Variants in PXDNL observed in about 807,000 individuals in gnomAD.
PXDNL encodes probable oxidoreductase PXDNL.
Under a neutral mutation model 150.8 loss-of-function variants are expected in PXDNL, and 145 were observed. The observed-to-expected ratio is 0.96, with a 90% CI of 0.84 to 1.10. PXDNL has a LOEUF of 1.10. Ranked by LOEUF, PXDNL falls within the 50% of genes least tolerant of loss-of-function variation. The probability of loss-of-function intolerance (pLI) is 0.00; values close to 1 mark genes in which losing one functional copy is unlikely to be tolerated. For synonymous variants in PXDNL, 757 were observed against 725.7 expected (o/e 1.04, Z -0.69); for missense variants, 2,087 against 1,873.9 (o/e 1.11, Z -2.10).
At chr8:51,711,902 A>C (rs1280308600) in intron 1 of PXDNL, among the ~76,000 whole-genome samples, 2 of 152,224 alleles carry the variant, frequency 1.3e-5, no homozygotes, top group Admixed American at 6.5e-5. Context: ...GGTTTGTTCT[A>C]GGTCCTGCTG....
intron 1 of PXDNL, among the ~76,000 whole-genome samples, chr8:51,696,553 T>C (rs1185188123): frequency 6.6e-6 from 1 of 150,388 alleles, no homozygotes; most frequent in Non-Finnish European, 1.5e-5. Context: ...GAGCAGGATG[T>C]AGGAACCTGC....
At chr8:51,401,902 G>A (rs1319192109) in intron 17 of PXDNL, among the ~76,000 whole-genome samples, 1 of 152,186 alleles carries the variant, frequency 6.6e-6, no homozygotes, top group African/African-American at 2.4e-5. Flanking sequence ...TGACGGGGTG[G>A]TGTCGATGCA....
chr8:51,319,870 C>A lies in PXDNL; in HGVS notation c.*21G>T. 6.8e-7 allele frequency: 1 copy of A among 1,474,164 alleles called. No individual in the cohort carries two copies. Among genetic ancestry groups the A allele is most frequent in the Non-Finnish European group, 9.0e-7 (1 of 1,109,480 alleles). The allele number at this position is 1,474,164 out of a possible 1,614,324, so 91.3% of individuals were successfully genotyped here. ...TTCCTGAGAAATTTCCCATTTGGGG[C>A]TCAACAGCACAAAACTTTTATTAGC... On this transcript the variant is annotated 3_prime_UTR_variant, in exon 23 of 23. Coordinates refer to ENST00000356297, the MANE Select transcript of PXDNL (RefSeq NM_144651.5).
intron 4 of PXDNL, among the ~76,000 whole-genome samples, chr8:51,538,816 G>GT (rs2130471763): frequency 6.6e-6 from 1 of 152,240 alleles, no homozygotes; most frequent in Non-Finnish European, 1.5e-5. Flanking sequence ...ACACTTTACT[G>GT]TCTGATTTTA....
chr8:51,801,150 G>T (rs537008734), intron 1 of PXDNL, among the ~76,000 whole-genome samples: 3 of 152,072 alleles, frequency 2.0e-5, no homozygotes, highest in Non-Finnish European at 1.5e-5. Context: ...TTGCATTCCT[G>T]GGGGGAGGTC....
At chr8:51,617,298 A>G (rs1814150061) in intron 2 of PXDNL, among the ~76,000 whole-genome samples, 1 of 152,350 alleles carries the variant, frequency 6.6e-6, no homozygotes, top group South Asian at 2.1e-4. Context: ...TTGTTACTGT[A>G]TATTATTTGG....
intron 12 of PXDNL, chr8:51,436,269 C>A: frequency 2.0e-6 from 1 of 502,222 alleles, no homozygotes. Context: ...AGTTTTATAT[C>A]ATAGAAGAAG....
chr8:51,468,149 T>C (rs367846661), intron 8 of PXDNL, among the ~76,000 whole-genome samples: 2 of 152,026 alleles, frequency 1.3e-5, no homozygotes, highest in African/African-American at 2.4e-5. Flanking sequence ...GCTTTGTATG[T>C]AGTAGATATC....
intron 21 of PXDNL, among the ~76,000 whole-genome samples, chr8:51,323,920 AAAAATAAAAT>A (rs1190979309): frequency 7.8e-6 from 1 of 128,486 alleles, no homozygotes; most frequent in Non-Finnish European, 1.6e-5. Flanking sequence ...TCATCTCAAA[AAAAATAAAAT>A]AAAATAAAAT....
At chr8:51,666,727 T>TCTGCACCTCCCAAGTCCC (rs1815395327) in intron 1 of PXDNL, among the ~76,000 whole-genome samples, 1 of 152,138 alleles carries the variant, frequency 6.6e-6, no homozygotes, top group Non-Finnish European at 1.5e-5. Context: ...TACCAAGTCC[T>TCTGCACCTCCCAAGTCCC]CTGCACCTCC....
chr8:51,749,623 T>C (rs116874641), intron 1 of PXDNL, among the ~76,000 whole-genome samples: 5,389 of 152,294 alleles, frequency 0.035, 235 homozygotes, highest in Admixed American at 0.14. Context: ...GGTGAGTGAA[T>C]GTGAAGGCCT....
Position 51,409,251 on chromosome 8 carries a change from C to T in PXDNL, c.2373G>A (p.Ala791=). ...RLVATVWARA[A]AVTPDHSYTR... ...TGTAGCTGTGGTCGGGGGTGACGGC[C>T]GCCGCGCGCGCCCACACTGTGGCGA... Residue 791 remains alanine (A), a synonymous_variant, in exon 17 of 23, where the codon GCG becomes GCA. Coordinates refer to ENST00000356297, the MANE Select transcript of PXDNL (RefSeq NM_144651.5). 6.7e-7 allele frequency: 1 copy of T among 1,494,394 alleles called. No homozygotes were observed. The highest frequency in any genetic ancestry group is 8.9e-7 in the Non-Finnish European group (1 of 1,124,840). The allele number at this position is 1,494,394 out of a possible 1,614,324, so 92.6% of individuals were successfully genotyped here.
intron 12 of PXDNL, among the ~76,000 whole-genome samples, chr8:51,429,217 C>T (rs1809189498): frequency 6.6e-6 from 1 of 152,172 alleles, no homozygotes. Flanking sequence ...CTGAATTACT[C>T]ATACATTGTT....
rs1210312643 is a variant in PXDNL, at chr8:51,319,615, G to T, written c.*276C>A. ...TTCCATGATATTCTTTTTATTTCCA[G>T]GTGTGGCATATAAAACTGACAGCTT... On this transcript the variant is annotated 3_prime_UTR_variant, in exon 23 of 23. Coordinates refer to ENST00000356297, the MANE Select transcript of PXDNL (RefSeq NM_144651.5). 1.4e-5 allele frequency: 3 copies of T among 212,538 alleles called. No individual in the cohort carries two copies. Among genetic ancestry groups the T allele is most frequent in the Non-Finnish European group, 2.8e-5 (3 of 108,410 alleles). 13.2% of individuals were successfully genotyped at this position (212,538 alleles called of 1,614,324 possible). A position where few individuals can be genotyped will look rare whatever the true frequency, so the allele number is the denominator to read the frequency against.
chr8:51,623,918 A>AC (rs1480530198), intron 2 of PXDNL, among the ~76,000 whole-genome samples: 1 of 151,626 alleles, frequency 6.6e-6, no homozygotes, highest in African/African-American at 2.4e-5. Flanking sequence ...ACAGAGGGAG[A>AC]CCCCATCTCT....
In PXDNL at chr8:51,534,082, G is replaced by A. The variant is rs1490805238; in HGVS notation, c.380+22758C>T. Among the ~76,000 whole-genome samples the A allele has an allele frequency of 3.5e-5, 5 of 143,618 alleles. 1 individual carries two copies. The highest frequency in any genetic ancestry group is 4.3e-4 in the East Asian group (2 of 4,660). 94.2% of individuals were successfully genotyped at this position (143,618 alleles called of 152,430 possible). The stretch of plus-strand genomic sequence containing the variant: ...CGCCATCCCATCTAGGAAGTGAGGC[G>A]TGTCTCTGCCCGGCCGCCCATGTCT... On this transcript the variant is annotated intron_variant, in intron 4 of 22. Transcript: ENST00000356297.
chr8:51,533,998 A>G (rs1811981397), intron 4 of PXDNL, among the ~76,000 whole-genome samples: 1 of 142,662 alleles, frequency 7.0e-6, no homozygotes, highest in East Asian at 2.0e-4. Context: ...CTGGAAAGTG[A>G]GGAGCGTCTC....
rs1388969053 is a variant in PXDNL, at chr8:51,705,828, T to TGC, written c.165-51069_165-51068insGC. On this transcript the variant is annotated intron_variant, in intron 1 of 22. Transcript: ENST00000356297. ...AACACTGTGTGTGTGTGTGTGTGTG[T>TGC]GTGTGCGCGCGCGCGCGCGCGCGCG... 1.0e-4 allele frequency among the ~76,000 whole-genome samples: 6 copies of TGC among 57,788 alleles called. No homozygotes were observed. In the East Asian group the frequency reaches 3.1e-3, roughly 30 times the overall value. The allele number at this position is 57,788 out of a possible 152,430, so 37.9% of individuals were successfully genotyped here.
chr8:51,324,659 A>G (rs1164822123), intron 21 of PXDNL, among the ~76,000 whole-genome samples: 1 of 152,076 alleles, frequency 6.6e-6, no homozygotes, highest in African/African-American at 2.4e-5. Flanking sequence ...TATAATTGCT[A>G]GTCTTCTATC....
Sources: allele counts gnomAD v4.1 joint callset (sites outside exome capture counted in the v4.1 genomes callset), GRCh38; gene constraint gnomAD v4.1.1; transcripts MANE v1.5; gene names NCBI Gene and HGNC (gene_info 2026-07-23, HGNC 2026-07-21).